Variants in FAM124A observed in about 807,000 individuals in gnomAD.
FAM124A encodes the protein protein FAM124A.
Under a neutral mutation model 24.5 loss-of-function variants are expected in FAM124A, and 23 were observed. The ratio of observed to expected loss-of-function variants is 0.94; its 90% CI spans 0.68 to 1.33. FAM124A has a LOEUF of 1.33. FAM124A is among the 40% of genes most tolerant of loss of function. The probability of loss-of-function intolerance (pLI) is 0.00; values close to 1 mark genes in which losing one functional copy is unlikely to be tolerated. For missense variants in FAM124A, 623 were observed against 722.8 expected (o/e 0.86, Z 1.58); for synonymous variants, 287 against 314.7 (o/e 0.91, Z 0.93).
At chr13:51,276,555 T>C (rs1566175836) in intron 3 of FAM124A, among the ~76,000 whole-genome samples, 1 of 152,182 alleles carries the variant, frequency 6.6e-6, no homozygotes, top group Non-Finnish European at 1.5e-5. Flanking sequence ...TGTCCATTCT[T>C]AGGGTGAACT....
chr13:51,239,052 G>A (rs767278315), intron 2 of FAM124A, among the ~76,000 whole-genome samples: 17 of 152,116 alleles, frequency 1.1e-4, no homozygotes, highest in Non-Finnish European at 1.5e-4. Context: ...CAGACTTCTC[G>A]TGACTACTTT....
At chr13:51,236,083 T>A (rs1215433300) in intron 2 of FAM124A, among the ~76,000 whole-genome samples, 1 of 152,164 alleles carries the variant, frequency 6.6e-6, no homozygotes, top group African/African-American at 2.4e-5. Context: ...TCCTCCCTAC[T>A]GCTTTCCTGG....
chr13:51,244,640 T>A (rs1260807213), intron 2 of FAM124A, among the ~76,000 whole-genome samples: 1 of 152,132 alleles, frequency 6.6e-6, no homozygotes, highest in Non-Finnish European at 1.5e-5. Flanking sequence ...AGTTGGCCAG[T>A]TCTGGGAGGA....
At chr13:51,246,651 C>T (rs1205149295) in intron 2 of FAM124A, among the ~76,000 whole-genome samples, 4 of 152,130 alleles carry the variant, frequency 2.6e-5, no homozygotes, top group Non-Finnish European at 4.4e-5. Flanking sequence ...CTCTTGGCTG[C>T]CTCCCAAACT....
At chr13:51,279,180 T>C (rs560300292) in intron 3 of FAM124A, among the ~76,000 whole-genome samples, 107 of 152,354 alleles carry the variant, frequency 7.0e-4, no homozygotes, top group African/African-American at 2.5e-3. Flanking sequence ...ACCCAAGGAC[T>C]TCTTTCTCTA....
At chr13:51,234,448 G>T (rs968790868) in intron 2 of FAM124A, among the ~76,000 whole-genome samples, 1 of 152,192 alleles carries the variant, frequency 6.6e-6, no homozygotes, top group Admixed American at 6.5e-5. Flanking sequence ...TAAGCGAAAG[G>T]TATAAGAGTG....
At chr13:51,236,757 G>GT (rs1368169801) in intron 2 of FAM124A, among the ~76,000 whole-genome samples, 1 of 152,194 alleles carries the variant, frequency 6.6e-6, no homozygotes, top group African/African-American at 2.4e-5. Context: ...TTTAGAGCCA[G>GT]TTTTTTATCA....
intron 1 of FAM124A, 80 bp from the exon 2 acceptor site, chr13:51,231,268 A>G: frequency 1.3e-6 from 2 of 1,501,748 alleles, no homozygotes; most frequent in Non-Finnish European, 1.9e-6. Context: ...AATGCTACTT[A>G]CCACTGACTG....
chr13:51,280,980 A>G lies in FAM124A; in HGVS notation c.1365A>G (p.Ala455=). Residue 455 remains alanine (A), a synonymous_variant, in exon 4 of 4, where the codon GCA becomes GCG. Transcript: ENST00000322475. ...CCGAAAGATGCAGCAGCCACTGGGC[A>G]GCTCACAAGGATTCCAGGGAGGGAC... The part of the protein sequence containing the change: ...LPSERCSSHW[A]AHKDSREGPL... 6.2e-7 allele frequency: 1 copy of G among 1,614,100 alleles called. No individual in the cohort carries two copies. Among genetic ancestry groups the G allele is most frequent in the African/African-American group, 1.3e-5 (1 of 75,014 alleles).
chr13:51,259,170 C>T (rs1954706348), intron 3 of FAM124A, among the ~76,000 whole-genome samples: 1 of 152,186 alleles, frequency 6.6e-6, no homozygotes, highest in Non-Finnish European at 1.5e-5. Context: ...AACCCAGCCA[C>T]TTTCTCCACT....
chr13:51,236,853 TTTC>T (rs1954440140), intron 2 of FAM124A, among the ~76,000 whole-genome samples: 1 of 152,244 alleles, frequency 6.6e-6, no homozygotes, highest in African/African-American at 2.4e-5. Context: ...GTCTTCATTT[TTTC>T]TTCTGTGTAA....
Position 51,225,976 on chromosome 13 carries a change from CTTTTTTTTTTTTTTTTTTT to C in FAM124A, c.68+3424_68+3442del, listed in dbSNP as rs780570797. On this transcript the variant is annotated intron_variant, in intron 1 of 3. Transcript: ENST00000322475. ...ATCTGTAATGTTGCTTGCTTGCTTT[CTTTTTTTTTTTTTTTTTTT>C]TTTTTTTTTTTTTTTTAACAGACAG... is the stretch of plus-strand genomic sequence containing the variant. Among the ~76,000 whole-genome samples, 25 of 67,582 alleles carry C rather than the reference CTTTTTTTTTTTTTTTTTTT, an allele frequency of 3.7e-4. 1 individual carries two copies. In the South Asian group the frequency reaches 5.9e-3, roughly 16 times the overall value. 44.3% of individuals were successfully genotyped at this position (67,582 alleles called of 152,430 possible). A position where few individuals can be genotyped will look rare whatever the true frequency, so the allele number is the denominator to read the frequency against.
chr13:51,235,385 C>T (rs574605254), intron 2 of FAM124A, among the ~76,000 whole-genome samples: 141 of 151,798 alleles, frequency 9.3e-4, no homozygotes, highest in African/African-American at 3.1e-3. Flanking sequence ...AATAATTATG[C>T]CAGGAAAAAA....
intron 3 of FAM124A, among the ~76,000 whole-genome samples, chr13:51,264,306 G>A (rs1388058877): frequency 6.6e-6 from 1 of 152,182 alleles, no homozygotes; most frequent in Admixed American, 6.5e-5. Flanking sequence ...AGTTGTCCAT[G>A]TTTCCATTAT....
At chr13:51,266,259 C>T (rs1566172894) in intron 3 of FAM124A, among the ~76,000 whole-genome samples, 1 of 152,210 alleles carries the variant, frequency 6.6e-6, no homozygotes, top group South Asian at 2.1e-4. Flanking sequence ...CTAGGTAAAA[C>T]ATAAGACACA....
In FAM124A at chr13:51,251,885, G is replaced by C. The variant is rs769122655; in HGVS notation, c.518G>C (p.Arg173Pro). 6.2e-7 allele frequency: 1 copy of C among 1,614,002 alleles called. No individual in the cohort carries two copies. Among genetic ancestry groups the C allele is most frequent in the Non-Finnish European group, 8.5e-7 (1 of 1,180,016 alleles). Residue 173 changes from arginine to proline, a missense_variant, in exon 3 of 4, where the codon CGC (arginine) becomes CCC (proline). Physicochemically the swap from Arg to Pro is moderately radical, Grantham distance 103. Transcript: ENST00000322475. The surrounding 1 kb of genome is among the most constrained non-coding windows in gnomAD (Gnocchi z 5.3). ...RPVHYGKEIVRFTVYCRYDNY... is the reference protein window; with the variant it reads ...RPVHYGKEIVPFTVYCRYDNY... ...GTGCACTACGGCAAGGAAATCGTGC[G>C]CTTCACCGTCTACTGTCGCTACGAC...
intron 3 of FAM124A, among the ~76,000 whole-genome samples, chr13:51,255,272 C>T (rs1954663527): frequency 6.6e-6 from 1 of 152,168 alleles, no homozygotes; most frequent in Non-Finnish European, 1.5e-5. Context: ...CCAAGTGTGA[C>T]ATCCAAAATG....
At chr13:51,234,628 A>G (rs545371397) in intron 2 of FAM124A, among the ~76,000 whole-genome samples, 101 of 152,222 alleles carry the variant, frequency 6.6e-4, no homozygotes, top group African/African-American at 2.3e-3. Flanking sequence ...CTGAGATATG[A>G]ATGTCCAAGA....
chr13:51,231,259 A>T, intron 1 of FAM124A, 89 bp from the exon 2 acceptor site: 7 of 1,423,236 alleles, frequency 4.9e-6, no homozygotes, highest in Non-Finnish European at 6.9e-6. Context: ...TACCAGCTAA[A>T]TGCTACTTAC....
Sources: gnomAD v4.1 joint callset for allele counts (sites outside exome capture counted in the v4.1 genomes callset) on GRCh38, gnomAD v4.1.1 for gene constraint, Gnocchi (gnomAD v3.1) non-coding constraint, MANE v1.5 for transcripts, NCBI Gene and HGNC (gene_info 2026-07-23, HGNC 2026-07-21) for gene names.